DUSP22: variants seen among roughly 807,000 people sequenced by gnomAD.
The protein encoded by DUSP22 is dual specificity protein phosphatase 22.
In DUSP22, 24 loss-of-function variants were observed where a neutral mutation model predicts 24.5. That is an observed-to-expected ratio of 0.98 (90% confidence interval 0.71 to 1.38). The LOEUF (loss-of-function observed/expected upper bound fraction) is 1.38. Ranked by LOEUF, DUSP22 falls within the 40% of genes most tolerant of loss-of-function variation. The pLI is 0.00. For synonymous variants in DUSP22, 160 were observed against 106.4 expected (o/e 1.50, Z -3.10); for missense variants, 330 against 269.2 (o/e 1.23, Z -1.58).
At chr6:309,318 TA>T (rs1211409309) in intron 2 of DUSP22, among the ~76,000 whole-genome samples, 4 of 152,420 alleles carry the variant, frequency 2.6e-5, no homozygotes, top group African/African-American at 9.6e-5. Flanking sequence ...GTTCCTCGTA[TA>T]AAAAGGTTTT....
chr6:344,089 G>T (rs1759746310), intron 4 of DUSP22, among the ~76,000 whole-genome samples: 1 of 152,304 alleles, frequency 6.6e-6, no homozygotes, highest in Non-Finnish European at 1.5e-5. Flanking sequence ...ACACATGCTG[G>T]TTGGGAGCGC....
intron 3 of DUSP22, among the ~76,000 whole-genome samples, chr6:328,872 C>G (rs1234340123): frequency 6.6e-6 from 1 of 152,308 alleles, no homozygotes; most frequent in African/African-American, 2.4e-5. Context: ...TTTGTGTTGA[C>G]TTCCAGTACT....
Position 349,204 on chromosome 6 carries a change from C to A in DUSP22, c.*253C>A, listed in dbSNP as rs546639846. The A allele has an allele frequency of 1.4e-6, 2 of 1,404,938 alleles. No individual in the cohort carries two copies. Among genetic ancestry groups the A allele is most frequent in the Non-Finnish European group, 1.8e-6 (2 of 1,081,502 alleles). The allele number at this position is 1,404,938 out of a possible 1,614,324, so 87.0% of individuals were successfully genotyped here. A position where few individuals can be genotyped will look rare whatever the true frequency, so the allele number is the denominator to read the frequency against. On this transcript the variant is annotated 3_prime_UTR_variant, in exon 7 of 7. Coordinates refer to ENST00000419235, the MANE Select transcript of DUSP22 (RefSeq NM_001286555.3). ...CAGTGGCTGTGCACTGCTCTGTGCA[C>A]GTGCGTGTGTGTGAGTGCACTTGTG...
chr6:344,181 G>A (rs4959746), intron 4 of DUSP22, among the ~76,000 whole-genome samples: 19 of 150,804 alleles, frequency 1.3e-4, no homozygotes, highest in Admixed American at 2.0e-4. Flanking sequence ...CTCCCTGAAC[G>A]GTTAGGGGGC....
At chr6:304,889 C>T (rs1581148752) in intron 2 of DUSP22, among the ~76,000 whole-genome samples, 1 of 1,156 alleles carries the variant, frequency 8.7e-4, no homozygotes, top group African/African-American at 9.7e-4. Flanking sequence ...CACCATTCTG[C>T]TTTCTGCCTC....
Position 349,209 on chromosome 6 carries a change from G to C in DUSP22, c.*258G>C. 7.2e-7 allele frequency: 1 copy of C among 1,393,418 alleles called. No homozygotes were observed. Among genetic ancestry groups the C allele is most frequent in the Non-Finnish European group, 9.3e-7 (1 of 1,074,834 alleles). The allele number at this position is 1,393,418 out of a possible 1,614,324, so 86.3% of individuals were successfully genotyped here. ...GCTGTGCACTGCTCTGTGCACGTGCGTGTGTGTGAGTGCACTTGTGTGTGG... is the reference window on the plus strand; with the variant it reads ...GCTGTGCACTGCTCTGTGCACGTGCCTGTGTGTGAGTGCACTTGTGTGTGG... On this transcript the variant is annotated 3_prime_UTR_variant, in exon 7 of 7. Coordinates refer to ENST00000419235, the MANE Select transcript of DUSP22 (RefSeq NM_001286555.3).
chr6:308,951 C>T (rs982668699), intron 2 of DUSP22, among the ~76,000 whole-genome samples: 1 of 152,306 alleles, frequency 6.6e-6, no homozygotes, highest in African/African-American at 2.4e-5. Context: ...CCTCGCCCCA[C>T]CTCCTCCAGG....
chr6:343,590 C>G (rs987275041), intron 4 of DUSP22, among the ~76,000 whole-genome samples: 1 of 107,966 alleles, frequency 9.3e-6, no homozygotes, highest in Non-Finnish European at 2.0e-5. Context: ...GGTCAGAGTC[C>G]GGAGTCCTTG....
intron 1 of DUSP22, among the ~76,000 whole-genome samples, chr6:301,148 G>T (rs1417889842): frequency 6.6e-6 from 1 of 152,310 alleles, no homozygotes; most frequent in Admixed American, 6.5e-5. Flanking sequence ...TTCCCACCAA[G>T]ACTCCCTGGG....
intron 4 of DUSP22, among the ~76,000 whole-genome samples, chr6:343,462 A>G (rs1204932506): frequency 2.6e-5 from 4 of 152,082 alleles, no homozygotes; most frequent in East Asian, 1.9e-4. Flanking sequence ...TGGCCCCCCA[A>G]GGGTGCCAAG....
At chr6:325,534 G>T (rs772002033) in intron 3 of DUSP22, 3,015 of 153,478 alleles carry the variant, frequency 0.02, 2 homozygotes, top group African/African-American at 0.055. Context: ...TCCGCGTCCT[G>T]GTGTGTGCAA....
chr6:348,137 A>G lies in DUSP22; in HGVS notation c.298A>G (p.Ile100Val), dbSNP rs1467128101. Residue 100 changes from isoleucine to valine, a missense_variant, in exon 6 of 7, where the codon ATC becomes GTC. Transcript: ENST00000419235. ...AGVSRSVTLV[I>V]AYIMTVTDFG... Reference sequence around the variant, plus strand: ...GGTCTCCAGGAGCGTGACACTGGTGATCGCATACATCATGACCGTCACTGA... The same window carrying G: ...GGTCTCCAGGAGCGTGACACTGGTGGTCGCATACATCATGACCGTCACTGA... 1 of 1,614,182 alleles carries G rather than the reference A, an allele frequency of 6.2e-7. No individual in the cohort carries two copies. The highest frequency in any genetic ancestry group is 8.5e-7 in the Non-Finnish European group (1 of 1,180,064).
At chr6:316,504 T>G (rs1472531427) in intron 3 of DUSP22, among the ~76,000 whole-genome samples, 1 of 152,310 alleles carries the variant, frequency 6.6e-6, no homozygotes, top group Non-Finnish European at 1.5e-5. Context: ...GTCTTCAGCG[T>G]CTACTGATGG....
At chr6:302,730 G>A (rs1435324056) in intron 1 of DUSP22, among the ~76,000 whole-genome samples, 2 of 152,420 alleles carry the variant, frequency 1.3e-5, no homozygotes, top group East Asian at 3.9e-4. Context: ...GATTATAACT[G>A]TAGAGTCACT....
chr6:334,850 C>G (rs1452409680), intron 3 of DUSP22, among the ~76,000 whole-genome samples: 1 of 152,306 alleles, frequency 6.6e-6, no homozygotes, highest in African/African-American at 2.4e-5. Flanking sequence ...TCAACTATTT[C>G]ACTTTTTTGA....
At chr6:328,238 A>AT (rs11436184) in intron 3 of DUSP22, among the ~76,000 whole-genome samples, 992 of 152,054 alleles carry the variant, frequency 6.5e-3, no homozygotes, top group African/African-American at 0.023. Context: ...ATGAGTCACA[A>AT]TTGTGTACAT....
intron 2 of DUSP22, among the ~76,000 whole-genome samples, chr6:310,815 C>G (rs1439334267): frequency 1.3e-5 from 2 of 152,304 alleles, no homozygotes; most frequent in Non-Finnish European, 2.9e-5. Context: ...ATGCTAACTA[C>G]AAAATGGTCT....
At position 341,699 on chromosome 6, in the gene DUSP22, C is replaced by G. The variant is rs923456063; in HGVS notation, c.189-4155C>G. On this transcript the variant is annotated intron_variant, in intron 4 of 6. Transcript: ENST00000419235. ...TATCATGATGCCTGCACAAGGGCTA[C>G]GCAGCCCAGGCCCCCAACATGGTGG... is the stretch of plus-strand genomic sequence containing the variant. Among the ~76,000 whole-genome samples, 6 of 152,308 alleles carry G rather than the reference C, an allele frequency of 3.9e-5. No homozygotes were observed. In the South Asian group the frequency reaches 1.2e-3, roughly 31 times the overall value.
intron 3 of DUSP22, among the ~76,000 whole-genome samples, chr6:333,293 G>T (rs1759216027): frequency 6.6e-6 from 1 of 152,306 alleles, no homozygotes; most frequent in Non-Finnish European, 1.5e-5. Flanking sequence ...CCCTTGGCAT[G>T]GTTGAAGCCC....
Sources: allele counts gnomAD v4.1 joint callset (sites outside exome capture counted in the v4.1 genomes callset), GRCh38; gene constraint gnomAD v4.1.1; transcripts MANE v1.5; gene names NCBI Gene and HGNC (gene_info 2026-07-23, HGNC 2026-07-21).